The following LAP3 variants were observed in gnomAD, a reference collection of about 807,000 sequenced individuals.
The protein encoded by LAP3 is cytosol aminopeptidase.
A neutral mutation model predicts 58.8 loss-of-function variants in LAP3; 46 were observed. That is an observed-to-expected ratio of 0.78 (90% CI 0.62 to 1.00). The LOEUF is 1.00. LAP3 is among the 50% of genes least tolerant of loss of function. The pLI, the probability that LAP3 is intolerant of heterozygous loss-of-function variation, is 0.00. For synonymous variants in LAP3, 257 were observed against 237.7 expected (o/e 1.08, Z -0.75); for missense variants, 615 against 659.1 (o/e 0.93, Z 0.73).
chr4:17,577,889 G>T (rs1410698968), intron 1 of LAP3, among the ~76,000 whole-genome samples: 1 of 152,178 alleles, frequency 6.6e-6, no homozygotes, highest in African/African-American at 2.4e-5. Flanking sequence ...CGGCGGTGGG[G>T]CTCCCATCCG....
Position 17,584,987 on chromosome 4 carries a change from C to T in LAP3, c.555C>T (p.Ala185=). The change falls in exon 6 of 13, where the codon GCC becomes GCT. Residue 185 remains alanine (A), a synonymous_variant. Coordinates refer to ENST00000226299, the MANE Select transcript of LAP3 (RefSeq NM_015907.3). ...CTTCTGCCAGTGGGGATCAGGAGGCCTGGCAGAAAGGAGTCCTGTTTGCTT... is the reference window on the plus strand; with the variant it reads ...CTTCTGCCAGTGGGGATCAGGAGGCTTGGCAGAAAGGAGTCCTGTTTGCTT... The part of the protein sequence containing the change: ...AKLYGSGDQE[A]WQKGVLFASG... 1 of 1,613,872 alleles carries T rather than the reference C, an allele frequency of 6.2e-7. No homozygotes were observed. Among genetic ancestry groups the T allele is most frequent in the Non-Finnish European group, 8.5e-7 (1 of 1,179,912 alleles).
chr4:17,597,736 G>A (rs1467256728), intron 9 of LAP3, among the ~76,000 whole-genome samples: 2 of 152,352 alleles, frequency 1.3e-5, no homozygotes, highest in African/African-American at 4.8e-5. Context: ...CAGTAAAATT[G>A]TGGGCTATCT....
chr4:17,606,850 CGT>C lies in LAP3; in HGVS notation c.1285_1286del (p.Val429LeufsTer20), dbSNP rs1352824871. The C allele has an allele frequency of 1.2e-6, 2 of 1,612,010 alleles. No individual in the cohort carries two copies. The highest frequency in any genetic ancestry group is 2.7e-5 in the African/African-American group (2 of 74,848). On this transcript the variant is annotated frameshift_variant, in exon 12 of 13. Transcript: ENST00000226299. LOFTEE classifies it high-confidence loss of function. ...CTAGGCCAGCATTGAAACAGGGGACCGTGTCTGGAGGATGCCTCTCTTCGAAC... is the reference window on the plus strand; with the variant it reads ...CTAGGCCAGCATTGAAACAGGGGACCGTCTGGAGGATGCCTCTCTTCGAAC... The part of the protein sequence containing the change: ...LFEASIETGD[R>X]VWRMPLFEHY...
chr4:17,593,608 G>A (rs1425424667), intron 7 of LAP3, among the ~76,000 whole-genome samples: 4 of 48,200 alleles, frequency 8.3e-5, no homozygotes, highest in African/African-American at 3.6e-4. Flanking sequence ...AATCTGCTTG[G>A]GTTTTTTTTT....
intron 10 of LAP3, among the ~76,000 whole-genome samples, chr4:17,602,593 G>T (rs1714007679): frequency 6.6e-6 from 1 of 152,178 alleles, no homozygotes; most frequent in African/African-American, 2.4e-5. Flanking sequence ...TAAAATTGCT[G>T]AAAAATTAGA....
At chr4:17,606,541 T>A (rs1714146017) in intron 11 of LAP3, among the ~76,000 whole-genome samples, 1 of 152,164 alleles carries the variant, frequency 6.6e-6, no homozygotes, top group Admixed American at 6.5e-5. Flanking sequence ...CGTTTCACCA[T>A]GTTGGCCAGG....
Position 17,595,518 on chromosome 4 carries a change from G to T in LAP3, c.972G>T (p.Leu324Phe), listed in dbSNP as rs1437549983. 35 of 1,613,782 alleles carry T rather than the reference G, an allele frequency of 2.2e-5. No individual in the cohort carries two copies. The highest frequency in any genetic ancestry group is 2.8e-5 in the Non-Finnish European group (33 of 1,179,930). Residue 324 changes from leucine to phenylalanine, a missense_variant, in exon 8 of 13, where the codon TTG becomes TTT. Leu to Phe is a conservative substitution (Grantham distance 22). Transcript: ENST00000226299. ...TCGTGTCTGCTGCAAAGCTTAATTTGCCCATTAATATTATAGGTAAGTGGG... is the reference window on the plus strand; with the variant it reads ...TCGTGTCTGCTGCAAAGCTTAATTTTCCCATTAATATTATAGGTAAGTGGG... The part of the protein sequence containing the change: ...SAIVSAAKLN[L>F]PINIIGLAPL...
intron 2 of LAP3, among the ~76,000 whole-genome samples, chr4:17,580,555 C>T (rs555717527): frequency 2.0e-5 from 3 of 152,170 alleles, no homozygotes; most frequent in East Asian, 3.9e-4. Context: ...ACCCTCCTGG[C>T]TCAAATTCAC....
At position 17,582,879 on chromosome 4, in the gene LAP3, C is replaced by G. The variant is rs2276960; in HGVS notation, c.379+486C>G. On this transcript the variant is annotated intron_variant, in intron 4 of 12. Transcript: ENST00000226299. ...CTTAGCATTAAGCAGCAGGACGGGC[C>G]TAATACCGTCAAGAGCCATGATTAA... Among the ~76,000 whole-genome samples the G allele has an allele frequency of 2.8e-4, 43 of 152,226 alleles. No homozygotes were observed. The East Asian group carries it at 3.1e-3, about 11-fold the overall frequency.
chr4:17,607,516 G>C lies in LAP3; in HGVS notation c.1487G>C (p.Arg496Pro), dbSNP rs539043092. ...MTNKDEVPYL[R>P]KGMTGRPTRT... is the part of the protein sequence containing the mutation. ...AACAAAGATGAAGTTCCCTATCTAC[G>C]GAAAGGCATGACTGGGAGGCCCACA... The change falls in exon 13 of 13, where the codon CGG becomes CCG. Residue 496 changes from arginine to proline, a missense_variant. Arg to Pro is a moderately radical substitution (Grantham distance 103). Coordinates refer to ENST00000226299, the MANE Select transcript of LAP3 (RefSeq NM_015907.3). 15 of 1,614,058 alleles carry C rather than the reference G, an allele frequency of 9.3e-6. No individual in the cohort carries two copies. The highest frequency in any genetic ancestry group is 1.3e-5 in the Non-Finnish European group (15 of 1,180,018).
At chr4:17,595,928 C>T (rs1487880351) in intron 8 of LAP3, among the ~76,000 whole-genome samples, 2 of 152,004 alleles carry the variant, frequency 1.3e-5, no homozygotes, top group South Asian at 2.1e-4. Flanking sequence ...GTGCCTAGAA[C>T]AGAAAAAGTG....
At chr4:17,601,984 T>C (rs530077482) in intron 10 of LAP3, among the ~76,000 whole-genome samples, 6 of 152,182 alleles carry the variant, frequency 3.9e-5, no homozygotes, top group Non-Finnish European at 5.9e-5. Context: ...TCAGTTTTCC[T>C]TGGGAGAGAT....
At chr4:17,584,051 C>G (rs959167025) in intron 5 of LAP3, among the ~76,000 whole-genome samples, 2 of 152,254 alleles carry the variant, frequency 1.3e-5, no homozygotes, top group Admixed American at 1.3e-4. Flanking sequence ...GGTCCTTGCC[C>G]TTGTGGGCTA....
chr4:17,586,615 T>C (rs946920983), intron 6 of LAP3, among the ~76,000 whole-genome samples: 1 of 152,036 alleles, frequency 6.6e-6, no homozygotes, highest in South Asian at 2.1e-4. Context: ...GGGAGGTAAA[T>C]GGCATTTGCA....
Position 17,604,642 on chromosome 4 carries a change from C to T in LAP3, c.1235C>T (p.Ser412Phe), listed in dbSNP as rs1453251460. The T allele has an allele frequency of 1.2e-6, 2 of 1,613,252 alleles. No individual in the cohort carries two copies. The highest frequency in any genetic ancestry group is 4.5e-5 in the East Asian group (2 of 44,880). ...SGATGVFTNS[S>F]WLWNKLFEAS... The stretch of plus-strand genomic sequence containing the variant: ...GCCACTGGGGTCTTTACCAATTCAT[C>T]CTGGCTCTGGAACAAACTCTTCGAG... The change falls in exon 11 of 13, where the codon TCC becomes TTC. Residue 412 changes from serine to phenylalanine, a missense_variant. By Grantham distance (155) the Ser-to-Phe change is radical. Transcript: ENST00000226299.
At chr4:17,594,848 C>T (rs1713788729) in intron 7 of LAP3, among the ~76,000 whole-genome samples, 1 of 152,118 alleles carries the variant, frequency 6.6e-6, no homozygotes, top group African/African-American at 2.4e-5. Flanking sequence ...ATGACCTTCA[C>T]GTTCCATAAG....
At position 17,577,511 on chromosome 4, in the gene LAP3, C is replaced by A. The variant is rs751385767; in HGVS notation, c.46C>A (p.Arg16Ser). Residue 16 changes from arginine to serine, a missense_variant, in exon 1 of 13, where the codon CGT becomes AGT. Coordinates refer to ENST00000226299, the MANE Select transcript of LAP3 (RefSeq NM_015907.3). Reference sequence around the variant, plus strand: ...GGCTGCGGGGCGAGTAGTCGTCCGACGTCTGGCCGTGAGACGTTTCGGGAG... The same window carrying A: ...GGCTGCGGGGCGAGTAGTCGTCCGAAGTCTGGCCGTGAGACGTTTCGGGAG... ...LPAAGRVVVR[R>S]LAVRRFGSRS... The A allele has an allele frequency of 1.9e-6, 3 of 1,586,934 alleles. No individual in the cohort carries two copies. Among genetic ancestry groups the A allele is most frequent in the African/African-American group, 1.3e-5 (1 of 74,164 alleles).
intron 6 of LAP3, among the ~76,000 whole-genome samples, chr4:17,588,148 C>A (rs1307165857): frequency 2.0e-5 from 3 of 151,972 alleles, no homozygotes; most frequent in African/African-American, 7.2e-5. Flanking sequence ...TTGTCTTAGC[C>A]TCTGCAGTAG....
At chr4:17,595,717 T>C (rs1713812186) in intron 8 of LAP3, among the ~76,000 whole-genome samples, 183 bp downstream of exon 8, 1 of 152,208 alleles carries the variant, frequency 6.6e-6, no homozygotes, top group Non-Finnish European at 1.5e-5. Flanking sequence ...GAGCTAAATG[T>C]ATCTTGCAAC....
Sources: gnomAD v4.1 joint callset for allele counts (sites outside exome capture counted in the v4.1 genomes callset) on GRCh38, gnomAD v4.1.1 for gene constraint, MANE v1.5 for transcripts, NCBI Gene and HGNC (gene_info 2026-07-23, HGNC 2026-07-21) for gene names.